Variants in CACNA2D3 observed in about 807,000 individuals in gnomAD.
CACNA2D3 encodes the protein calcium voltage-gated channel auxiliary subunit alpha2delta 3.
CACNA2D3 carries 60 observed loss-of-function variants against 160.6 expected under a neutral mutation model. The observed-to-expected ratio is 0.37, with a 90% CI of 0.30 to 0.46. The LOEUF is 0.46. Ranked by LOEUF, CACNA2D3 falls within the 20% of genes least tolerant of loss-of-function variation. The pLI is 1.00. For synonymous variants in CACNA2D3, 558 were observed against 492.9 expected, an observed-to-expected ratio of 1.13 and a Z score of -1.75; for missense variants, 1,205 against 1,365.0, an observed-to-expected ratio of 0.88 and a Z score of 1.85.
At chr3:54,205,489 A>C (rs549095845) in intron 2 of CACNA2D3, among the ~76,000 whole-genome samples, 1 of 152,224 alleles carries the variant, frequency 6.6e-6, no homozygotes, top group Non-Finnish European at 1.5e-5. Flanking sequence ...TTAGCAACGA[A>C]AATGTGTTTA....
chr3:54,222,532 A>G (rs11711040), intron 2 of CACNA2D3, among the ~76,000 whole-genome samples: 14,408 of 152,274 alleles, frequency 0.095, 1,062 homozygotes, highest in East Asian at 0.41. Flanking sequence ...TGCTGAGTCA[A>G]TGTTGACAAA....
intron 27 of CACNA2D3, among the ~76,000 whole-genome samples, chr3:54,921,933 G>A (rs1461690548): frequency 6.7e-6 from 1 of 148,800 alleles, no homozygotes; most frequent in Non-Finnish European, 1.5e-5. Context: ...AGAAGATCTT[G>A]ACTCATATCT....
At chr3:54,716,333 C>T (rs371475254) in intron 11 of CACNA2D3, among the ~76,000 whole-genome samples, 9 of 151,932 alleles carry the variant, frequency 5.9e-5, no homozygotes, top group African/African-American at 2.2e-4. Flanking sequence ...TATGTGTGGC[C>T]GATACCTTTT....
chr3:54,690,302 A>G (rs939149226), intron 11 of CACNA2D3, among the ~76,000 whole-genome samples: 1 of 151,914 alleles, frequency 6.6e-6, no homozygotes, highest in South Asian at 2.1e-4. Context: ...TTTTTTTCCC[A>G]TAGTAATTTT....
At chr3:55,026,972 C>T (rs1469779832) in intron 35 of CACNA2D3, among the ~76,000 whole-genome samples, 1 of 151,848 alleles carries the variant, frequency 6.6e-6, no homozygotes, top group African/African-American at 2.4e-5. Context: ...TTCTCTCTCA[C>T]CGCTAAGCGC....
At chr3:54,871,210 CA>C (rs879731659) in intron 17 of CACNA2D3, among the ~76,000 whole-genome samples, 2,146 of 116,434 alleles carry the variant, frequency 0.018, 39 homozygotes, top group Middle Eastern at 0.029. Flanking sequence ...CACACACACA[CA>C]CACACACACA....
intron 2 of CACNA2D3, among the ~76,000 whole-genome samples, chr3:54,136,060 C>T (rs1457615103): frequency 6.6e-6 from 1 of 152,244 alleles, no homozygotes; most frequent in African/African-American, 2.4e-5. Flanking sequence ...CTGATCTCCA[C>T]TGGAAATCTG....
At chr3:54,984,967 C>T (rs1702584070) in intron 30 of CACNA2D3, among the ~76,000 whole-genome samples, 1 of 152,126 alleles carries the variant, frequency 6.6e-6, no homozygotes, top group African/African-American at 2.4e-5. Flanking sequence ...TTGTCTGTGC[C>T]ACATAAAGAA....
At chr3:54,246,086 C>G (rs919386551) in intron 2 of CACNA2D3, among the ~76,000 whole-genome samples, 2 of 152,180 alleles carry the variant, frequency 1.3e-5, no homozygotes, top group African/African-American at 4.8e-5. Flanking sequence ...CTGTTCACTA[C>G]CAGACATAAC....
intron 8 of CACNA2D3, 121 bp downstream of exon 8, chr3:54,570,225 G>C: frequency 1.9e-6 from 2 of 1,032,062 alleles, no homozygotes; most frequent in Admixed American, 2.1e-5. Flanking sequence ...ATGAGGCCTG[G>C]TTAGTCTCAT....
intron 9 of CACNA2D3, among the ~76,000 whole-genome samples, chr3:54,605,402 C>T (rs193289291): frequency 2.6e-5 from 4 of 152,230 alleles, no homozygotes; most frequent in Admixed American, 2.6e-4. Flanking sequence ...TGTGGACTCA[C>T]CTTCTAACCC....
rs571235451 is a variant in CACNA2D3, at chr3:54,961,678, C to A, written c.2450-6772C>A. ...TGGCCTGATTGATGTGCACAGGAAG[C>A]TGATGGCACCAGTATCATGGACAGC... On this transcript the variant is annotated intron_variant, in intron 27 of 37. Coordinates refer to ENST00000474759, the MANE Select transcript of CACNA2D3 (RefSeq NM_018398.3). 2.2e-4 allele frequency among the ~76,000 whole-genome samples: 34 copies of A among 152,274 alleles called. No homozygotes were observed. In the South Asian group the frequency reaches 6.8e-3, roughly 31 times the overall value.
chr3:54,542,530 C>G (rs796637049), intron 5 of CACNA2D3, among the ~76,000 whole-genome samples: 2 of 152,080 alleles, frequency 1.3e-5, no homozygotes, highest in South Asian at 2.1e-4. Flanking sequence ...GCCAAAGGCC[C>G]GAGAGTCCCT....
chr3:55,044,619 T>G (rs543166274), intron 35 of CACNA2D3, among the ~76,000 whole-genome samples: 2 of 152,114 alleles, frequency 1.3e-5, no homozygotes, highest in Non-Finnish European at 2.9e-5. Flanking sequence ...TCTCTCTCTC[T>G]TATTGCACTG....
intron 18 of CACNA2D3, among the ~76,000 whole-genome samples, chr3:54,874,118 A>C (rs1016272818): frequency 1.3e-5 from 2 of 152,262 alleles, no homozygotes; most frequent in Admixed American, 6.5e-5. Context: ...AACCACAGTT[A>C]TAACCTGCAT....
intron 34 of CACNA2D3, among the ~76,000 whole-genome samples, chr3:55,016,411 C>G (rs1424530335): frequency 6.6e-6 from 1 of 152,204 alleles, no homozygotes; most frequent in Non-Finnish European, 1.5e-5. Context: ...GACGAGGACA[C>G]TAAGATGTAA....
At chr3:54,216,342 C>T (rs1049848788) in intron 2 of CACNA2D3, among the ~76,000 whole-genome samples, 5 of 152,146 alleles carry the variant, frequency 3.3e-5, no homozygotes, top group African/African-American at 1.2e-4. Context: ...TTTAAAAGTG[C>T]GTGTTTTGAT....
intron 3 of CACNA2D3, among the ~76,000 whole-genome samples, chr3:54,347,104 G>T (rs1487236852): frequency 6.6e-6 from 1 of 152,210 alleles, no homozygotes; most frequent in Non-Finnish European, 1.5e-5. Flanking sequence ...TTGCAATGTT[G>T]ATGGAGCCTT....
chr3:54,988,594 AGC>A (rs1398600758), intron 31 of CACNA2D3, among the ~76,000 whole-genome samples: 1 of 152,214 alleles, frequency 6.6e-6, no homozygotes, highest in Non-Finnish European at 1.5e-5. Context: ...ATGGCCCTCC[AGC>A]TTCCCTGAGA....
Sources: allele counts gnomAD v4.1 joint callset (sites outside exome capture counted in the v4.1 genomes callset), GRCh38; gene constraint gnomAD v4.1.1; transcripts MANE v1.5; gene names NCBI Gene and HGNC (gene_info 2026-07-23, HGNC 2026-07-21).